The following ESRRB variants were observed in gnomAD, a reference collection of about 807,000 sequenced individuals.
The protein encoded by ESRRB is steroid hormone receptor ERR2.
A neutral mutation model predicts 46.0 loss-of-function variants in ESRRB; 16 were observed. The ratio of observed to expected loss-of-function variants is 0.35; its 90% CI spans 0.24 to 0.53. The LOEUF is 0.53. Ranked by LOEUF, ESRRB falls within the 20% of genes least tolerant of loss-of-function variation. The pLI, the probability that ESRRB is intolerant of heterozygous loss-of-function variation, is 0.93. For missense variants in ESRRB, 488 were observed against 607.4 expected, an observed-to-expected ratio of 0.80 and a Z score of 2.07; for synonymous variants, 246 against 259.6, an observed-to-expected ratio of 0.95 and a Z score of 0.50.
chr14:76,333,848 C>A (rs1884093704), intron 1 of ESRRB, among the ~76,000 whole-genome samples: 1 of 151,972 alleles, frequency 6.6e-6, no homozygotes, highest in South Asian at 2.1e-4. Flanking sequence ...TTCACGTGCT[C>A]AGTGTCAACT....
intron 1 of ESRRB, among the ~76,000 whole-genome samples, chr14:76,344,823 G>A (rs543062076): frequency 7.8e-6 from 1 of 128,838 alleles, no homozygotes; most frequent in Non-Finnish European, 1.7e-5. Flanking sequence ...CTGCACTCCA[G>A]CCTGGGTGAC....
chr14:76,476,684 C>A (rs976866829), intron 3 of ESRRB, among the ~76,000 whole-genome samples: 1 of 151,818 alleles, frequency 6.6e-6, no homozygotes, highest in African/African-American at 2.4e-5. Flanking sequence ...TTACAAGAAG[C>A]CTGGAGATGC....
intron 1 of ESRRB, among the ~76,000 whole-genome samples, chr14:76,316,691 G>A (rs1883804342): frequency 6.6e-6 from 1 of 151,918 alleles, no homozygotes; most frequent in Non-Finnish European, 1.5e-5. Context: ...CATGGTCCTT[G>A]CCCCTATCCT....
At chr14:76,445,171 T>TAA (rs369315496) in intron 2 of ESRRB, among the ~76,000 whole-genome samples, 15 of 120,082 alleles carry the variant, frequency 1.2e-4, no homozygotes, top group Admixed American at 4.3e-4. Flanking sequence ...GGAGTTTCTT[T>TAA]AAAAAAAAAA....
intron 1 of ESRRB, among the ~76,000 whole-genome samples, chr14:76,336,064 G>T (rs1884123008): frequency 6.6e-6 from 1 of 152,204 alleles, no homozygotes; most frequent in Admixed American, 6.5e-5. Flanking sequence ...CAGAGTCTGT[G>T]CTGTAAACAC....
intron 2 of ESRRB, among the ~76,000 whole-genome samples, chr14:76,453,162 AAGG>A (rs545506692): frequency 2.6e-4 from 39 of 152,350 alleles, no homozygotes; most frequent in Middle Eastern, 3.4e-3. Context: ...AGCTCTTTAG[AAGG>A]AGAAGGGTTG....
intron 1 of ESRRB, among the ~76,000 whole-genome samples, chr14:76,399,961 C>A (rs1454864921): frequency 6.6e-6 from 1 of 152,210 alleles, no homozygotes; most frequent in African/African-American, 2.4e-5. Flanking sequence ...CAGGCTCAGT[C>A]CCTGATCCAT....
chr14:76,337,706 G>A (rs373868070), intron 1 of ESRRB, among the ~76,000 whole-genome samples: 1 of 152,200 alleles, frequency 6.6e-6, no homozygotes, highest in African/African-American at 2.4e-5. Flanking sequence ...GGAGGCTTTG[G>A]TCGATTACCA....
intron 1 of ESRRB, among the ~76,000 whole-genome samples, chr14:76,378,340 C>T (rs955693106): frequency 6.6e-6 from 1 of 152,092 alleles, no homozygotes; most frequent in Non-Finnish European, 1.5e-5. Flanking sequence ...GCAGCCCTGA[C>T]TGGAGTTTGA....
exon 1 of ESRRB, chr14:76,310,867 G>A (rs554067472): frequency 2.2e-6 from 1 of 455,064 alleles, no homozygotes; most frequent in Non-Finnish European, 4.4e-6. Flanking sequence ...CTGAGGGGCC[G>A]CACATTCCAC....
At chr14:76,415,433 G>A (rs1355287645) in intron 1 of ESRRB, among the ~76,000 whole-genome samples, 1 of 152,066 alleles carries the variant, frequency 6.6e-6, no homozygotes, top group African/African-American at 2.4e-5. Context: ...AGGCCGAGAC[G>A]GGCAGATCAC....
chr14:76,420,917 C>T (rs1005093706), intron 1 of ESRRB, among the ~76,000 whole-genome samples: 1 of 152,138 alleles, frequency 6.6e-6, no homozygotes, highest in South Asian at 2.1e-4. Flanking sequence ...CTAAATGATA[C>T]CTCTTCTGCC....
intron 1 of ESRRB, among the ~76,000 whole-genome samples, chr14:76,394,408 T>A (rs1490099485): frequency 6.6e-6 from 1 of 152,204 alleles, no homozygotes; most frequent in East Asian, 1.9e-4. Context: ...TGGCTACTCA[T>A]ATGTTTTGCC....
chr14:76,402,532 A>T (rs1193403964), intron 1 of ESRRB, among the ~76,000 whole-genome samples: 1 of 152,114 alleles, frequency 6.6e-6, no homozygotes, highest in Non-Finnish European at 1.5e-5. Flanking sequence ...GGGAAACACC[A>T]CCCTGGAGAT....
intron 1 of ESRRB, among the ~76,000 whole-genome samples, chr14:76,380,457 T>C (rs1212909171): frequency 6.6e-6 from 1 of 152,210 alleles, no homozygotes; most frequent in East Asian, 1.9e-4. Context: ...TTAAAAATGA[T>C]TAAAATTCTT....
intron 1 of ESRRB, among the ~76,000 whole-genome samples, chr14:76,333,521 T>C (rs1375859743): frequency 7.0e-6 from 1 of 143,214 alleles, no homozygotes; most frequent in African/African-American, 2.6e-5. Flanking sequence ...GGAGACAAAG[T>C]TTCGCTGTGT....
At position 76,384,010 on chromosome 14, in the gene ESRRB, TGCTTGGAACCCTA is replaced by T. The variant is rs531935596; in HGVS notation, c.50+7561_50+7573del. Among the ~76,000 whole-genome samples, 8 of 152,288 alleles carry T rather than the reference TGCTTGGAACCCTA, an allele frequency of 5.3e-5. No homozygotes were observed. The South Asian group carries it at 1.7e-3, about 32-fold the overall frequency. On this transcript the variant is annotated intron_variant, in intron 1 of 6. Transcript: ENST00000644823. ...ATCCCTCCCCTCATCTCACCGCCTA[TGCTTGGAACCCTA>T]GTTTGGGATCTTGGTGATGCACAGT...
chr14:76,323,476 A>G lies in ESRRB; in HGVS notation c.2+12560A>G, dbSNP rs72729690. ...AGGCATGTACCACTATGCCTGGCTA[A>G]TTTTTTTAATTTTTGGAGAGACAGG... On this transcript the variant is annotated intron_variant, in intron 1 of 6. Coordinates refer to the ESRRB transcript ENST00000512784. Among the ~76,000 whole-genome samples, 1,049 of 151,906 alleles carry G rather than the reference A, an allele frequency of 6.9e-3. 5 individuals are homozygous for G. Among genetic ancestry groups the G allele is most frequent in the Non-Finnish European group, 9.8e-3 (666 of 67,926 alleles).
At position 76,358,268 on chromosome 14, in the gene ESRRB, C is replaced by T. The variant is rs138024866; in HGVS notation, c.2+47352C>T. ...TGGAGGTTTCAGTGAGCCAAGATTGCGCCACTGCACTCCAGCCTGGGATAC... is the reference window on the plus strand; with the variant it reads ...TGGAGGTTTCAGTGAGCCAAGATTGTGCCACTGCACTCCAGCCTGGGATAC... On this transcript the variant is annotated intron_variant, in intron 1 of 6. Coordinates refer to the ESRRB transcript ENST00000512784. Among the ~76,000 whole-genome samples, 397 of 144,976 alleles carry T rather than the reference C, an allele frequency of 2.7e-3. 2 individuals carry two copies. The highest frequency in any genetic ancestry group is 0.027 in the Middle Eastern group (7 of 264).
Sources: gnomAD v4.1 joint callset for allele counts (sites outside exome capture counted in the v4.1 genomes callset) on GRCh38, gnomAD v4.1.1 for gene constraint, MANE v1.5 for transcripts, NCBI Gene and HGNC (gene_info 2026-07-23, HGNC 2026-07-21) for gene names.